CDH12: variants seen among roughly 807,000 people sequenced by gnomAD.
The protein encoded by CDH12 is cadherin-12.
In CDH12, 41 loss-of-function variants were observed where a neutral mutation model predicts 74.1. The observed-to-expected ratio is 0.55, with a 90% CI of 0.43 to 0.72. CDH12 has a LOEUF of 0.72. Ranked by LOEUF, CDH12 falls within the 30% of genes least tolerant of loss-of-function variation. The pLI is 0.00. For synonymous variants in CDH12, 399 were observed against 355.0 expected, an observed-to-expected ratio of 1.12 and a Z score of -1.39; for missense variants, 945 against 977.2, an observed-to-expected ratio of 0.97 and a Z score of 0.44.
chr5:22,805,026 C>A (rs1157356672), intron 1 of CDH12, among the ~76,000 whole-genome samples: 2 of 152,068 alleles, frequency 1.3e-5, no homozygotes, highest in African/African-American at 4.8e-5. Flanking sequence ...AGAAGGGATG[C>A]TGTACACTGC....
intron 4 of CDH12, among the ~76,000 whole-genome samples, chr5:22,100,098 C>T (rs1418672083): frequency 6.6e-6 from 1 of 152,150 alleles, no homozygotes; most frequent in African/African-American, 2.4e-5. Flanking sequence ...ATCTTTACCA[C>T]TATTTTGTTT....
chr5:22,263,186 A>G (rs1753586419), intron 3 of CDH12, among the ~76,000 whole-genome samples: 1 of 152,198 alleles, frequency 6.6e-6, no homozygotes. Context: ...AAGTGAATTT[A>G]TATGATTATT....
At chr5:22,715,046 C>T (rs910022445) in intron 1 of CDH12, among the ~76,000 whole-genome samples, 1 of 152,112 alleles carries the variant, frequency 6.6e-6, no homozygotes, top group East Asian at 1.9e-4. Context: ...TGTTTCTAAA[C>T]TTTCAGTTAT....
At chr5:22,849,088 C>T (rs924449533) in intron 1 of CDH12, among the ~76,000 whole-genome samples, 31 of 152,000 alleles carry the variant, frequency 2.0e-4, no homozygotes, top group Admixed American at 1.7e-3. Context: ...TCTTCCAACC[C>T]CATGTTCCAG....
intron 2 of CDH12, among the ~76,000 whole-genome samples, chr5:22,419,516 T>C (rs947350996): frequency 6.6e-6 from 1 of 152,202 alleles, no homozygotes; most frequent in Non-Finnish European, 1.5e-5. Context: ...TTCCATGGTG[T>C]ATATGTACCA....
chr5:22,673,227 A>G (rs1740996891), intron 1 of CDH12, among the ~76,000 whole-genome samples: 2 of 152,290 alleles, frequency 1.3e-5, no homozygotes, highest in African/African-American at 4.8e-5. Context: ...TTGCATTAAA[A>G]CAAACTTGAT....
At chr5:22,283,646 A>T (rs1737014999) in intron 3 of CDH12, among the ~76,000 whole-genome samples, 1 of 152,030 alleles carries the variant, frequency 6.6e-6, no homozygotes, top group African/African-American at 2.4e-5. Flanking sequence ...GTTAAAAGGT[A>T]AAAAGTTTCA....
At chr5:21,777,763 T>C (rs1170683429) in intron 11 of CDH12, among the ~76,000 whole-genome samples, 1 of 152,210 alleles carries the variant, frequency 6.6e-6, no homozygotes, top group Non-Finnish European at 1.5e-5. Context: ...AGTGCTGGGA[T>C]TGCAGGCATG....
intron 1 of CDH12, among the ~76,000 whole-genome samples, chr5:22,633,804 T>C (rs1016910424): frequency 6.6e-6 from 1 of 152,200 alleles, no homozygotes; most frequent in African/African-American, 2.4e-5. Context: ...CTGGGACTTC[T>C]CAACTTCTAC....
intron 1 of CDH12, among the ~76,000 whole-genome samples, chr5:22,557,891 GT>G (rs1376578946): frequency 6.6e-6 from 1 of 151,962 alleles, no homozygotes; most frequent in Non-Finnish European, 1.5e-5. Context: ...AATGTGTAAC[GT>G]TTTATTATTC....
At chr5:22,072,433 C>G (rs1202517991) in intron 5 of CDH12, among the ~76,000 whole-genome samples, 1 of 152,002 alleles carries the variant, frequency 6.6e-6, no homozygotes, top group Non-Finnish European at 1.5e-5. Flanking sequence ...CAAGACTCAT[C>G]TCAGGTACTT....
intron 12 of CDH12, 53 bp from the exon 13 acceptor site, chr5:21,760,728 A>C: frequency 2.0e-6 from 2 of 999,938 alleles, no homozygotes; most frequent in South Asian, 1.3e-5. Flanking sequence ...AGGACTTTAC[A>C]CAGCAGGCTA....
intron 1 of CDH12, among the ~76,000 whole-genome samples, chr5:22,814,774 A>T (rs1322496477): frequency 6.6e-6 from 1 of 152,160 alleles, no homozygotes; most frequent in South Asian, 2.1e-4. Flanking sequence ...GAGATGTCAT[A>T]TGTAATTTGA....
chr5:22,831,351 T>TTGTGTGTGTGTGTGTGTG (rs1554007029), intron 1 of CDH12, among the ~76,000 whole-genome samples: 4 of 138,644 alleles, frequency 2.9e-5, no homozygotes, highest in South Asian at 2.3e-4. Context: ...GTTTTGGAGT[T>TTGTGTGTGTGTGTGTGTG]TGTGTGTGTG....
intron 1 of CDH12, among the ~76,000 whole-genome samples, chr5:22,531,165 A>G (rs1193706748): frequency 6.6e-6 from 1 of 152,172 alleles, no homozygotes; most frequent in Non-Finnish European, 1.5e-5. Flanking sequence ...ACAATATGCT[A>G]AAGACAAATA....
At chr5:22,604,581 T>C (rs1282459570) in intron 1 of CDH12, among the ~76,000 whole-genome samples, 4 of 152,146 alleles carry the variant, frequency 2.6e-5, no homozygotes, top group Non-Finnish European at 5.9e-5. Context: ...AAAACTAAAG[T>C]GTCACAAATG....
chr5:22,140,890 GTCC>G (rs1001620507), intron 4 of CDH12, among the ~76,000 whole-genome samples: 14 of 152,152 alleles, frequency 9.2e-5, no homozygotes, highest in African/African-American at 3.4e-4. Context: ...CTCTCAGTCT[GTCC>G]TCCTCACATT....
At chr5:22,163,749 G>C (rs1472624915) in intron 4 of CDH12, among the ~76,000 whole-genome samples, 1 of 152,126 alleles carries the variant, frequency 6.6e-6, no homozygotes, top group African/African-American at 2.4e-5. Context: ...CCAGTATTGA[G>C]CTTATTAATA....
chr5:22,660,892 T>G (rs1313519678), intron 1 of CDH12, among the ~76,000 whole-genome samples: 1 of 152,210 alleles, frequency 6.6e-6, no homozygotes, highest in Non-Finnish European at 1.5e-5. Flanking sequence ...TAATAACTAT[T>G]TAACATTCAT....
Sources: allele counts gnomAD v4.1 joint callset (sites outside exome capture counted in the v4.1 genomes callset), GRCh38; gene constraint gnomAD v4.1.1; transcripts MANE v1.5; gene names NCBI Gene and HGNC (gene_info 2026-07-23, HGNC 2026-07-21).